GALNTL6: variants seen among roughly 807,000 people sequenced by gnomAD.
GALNTL6 encodes the protein polypeptide N-acetylgalactosaminyltransferase like 6.
Under a neutral mutation model 73.7 loss-of-function variants are expected in GALNTL6, and 46 were observed. The observed-to-expected ratio is 0.62, with a 90% CI of 0.49 to 0.80. GALNTL6 has a LOEUF of 0.80. Among genes scored for constraint, GALNTL6 ranks in the 30% least tolerant of loss-of-function variants. The pLI, the probability that GALNTL6 is intolerant of heterozygous loss-of-function variation, is 0.00. For synonymous variants in GALNTL6, 259 were observed against 263.7 expected, an observed-to-expected ratio of 0.98 and a Z score of 0.17; for missense variants, 604 against 755.0, an observed-to-expected ratio of 0.80 and a Z score of 2.34.
At chr4:171,998,849 G>A (rs1172819760) in intron 2 of GALNTL6, among the ~76,000 whole-genome samples, 1 of 152,114 alleles carries the variant, frequency 6.6e-6, no homozygotes, top group Non-Finnish European at 1.5e-5. Context: ...AGATGTTTCA[G>A]AGTTGGCTTA....
intron 2 of GALNTL6, among the ~76,000 whole-genome samples, chr4:172,222,059 A>G (rs1450658731): frequency 2.6e-5 from 4 of 151,888 alleles, no homozygotes; most frequent in Non-Finnish European, 5.9e-5. Context: ...GCAATAATAT[A>G]GGAGAAAAGG....
intron 3 of GALNTL6, among the ~76,000 whole-genome samples, chr4:172,253,722 A>G (rs948448119): frequency 2.0e-5 from 3 of 151,958 alleles, no homozygotes; most frequent in Non-Finnish European, 4.4e-5. Context: ...CTCCAAGAGT[A>G]TAATATAATC....
intron 5 of GALNTL6, among the ~76,000 whole-genome samples, chr4:172,411,996 G>A (rs1255067126): frequency 1.9e-4 from 29 of 151,592 alleles, no homozygotes; most frequent in Non-Finnish European, 8.8e-5. Context: ...AACAAGGAGT[G>A]GAGCACTGGA....
intron 5 of GALNTL6, among the ~76,000 whole-genome samples, chr4:172,418,507 A>G (rs1561074167): frequency 2.0e-5 from 3 of 152,246 alleles, no homozygotes; most frequent in South Asian, 4.1e-4. Flanking sequence ...AACCCATCCT[A>G]TAGTGGGGAA....
chr4:172,980,823 A>T (rs1266915295), intron 10 of GALNTL6, among the ~76,000 whole-genome samples: 1 of 152,206 alleles, frequency 6.6e-6, no homozygotes, highest in Non-Finnish European at 1.5e-5. Context: ...GGCACAATTC[A>T]GTCCATTACA....
Position 172,511,274 on chromosome 4 carries a change from G to C in GALNTL6, c.553+162585G>C. Among the ~76,000 whole-genome samples, 2 of 54,298 alleles carry C rather than the reference G, an allele frequency of 3.7e-5. 1 individual carries two copies. The highest frequency in any genetic ancestry group is 8.5e-5 in the Non-Finnish European group (2 of 23,518). The allele number at this position is 54,298 out of a possible 152,430, so 35.6% of individuals were successfully genotyped here. ...CTTCAATGATCTTTTGTGTTTCTGT[G>C]GTATCAGCTGTAATATCTCCTATTT... On this transcript the variant is annotated intron_variant, in intron 5 of 12. Coordinates refer to ENST00000506823, the MANE Select transcript of GALNTL6 (RefSeq NM_001034845.3).
At chr4:172,156,784 C>T (rs977444149) in intron 2 of GALNTL6, among the ~76,000 whole-genome samples, 3 of 151,256 alleles carry the variant, frequency 2.0e-5, no homozygotes, top group Admixed American at 6.6e-5. Flanking sequence ...CCATGGGGTG[C>T]GGGGGAAGCC....
At chr4:172,840,506 C>G (rs1271806968) in intron 7 of GALNTL6, among the ~76,000 whole-genome samples, 3 of 152,122 alleles carry the variant, frequency 2.0e-5, no homozygotes, top group Admixed American at 1.3e-4. Context: ...TCATTATGAC[C>G]ACCATCCTGC....
At chr4:172,351,973 G>A (rs571924575) in intron 5 of GALNTL6, among the ~76,000 whole-genome samples, 1 of 152,086 alleles carries the variant, frequency 6.6e-6, no homozygotes, top group South Asian at 2.1e-4. Flanking sequence ...CAGGTCAATA[G>A]AACAGCTATA....
chr4:172,619,257 C>A (rs28729481), intron 5 of GALNTL6, among the ~76,000 whole-genome samples: 2,292 of 152,222 alleles, frequency 0.015, 66 homozygotes, highest in African/African-American at 0.053. Flanking sequence ...AGCCTTGATG[C>A]CAGATCGACA....
At chr4:172,389,434 A>T (rs1303084476) in intron 5 of GALNTL6, among the ~76,000 whole-genome samples, 1 of 152,102 alleles carries the variant, frequency 6.6e-6, no homozygotes, top group Non-Finnish European at 1.5e-5. Flanking sequence ...TGCTTCCAAG[A>T]TTTATTGCAG....
intron 9 of GALNTL6, among the ~76,000 whole-genome samples, chr4:172,948,393 G>C (rs975848069): frequency 1.3e-5 from 2 of 152,046 alleles, no homozygotes; most frequent in Non-Finnish European, 2.9e-5. Context: ...TGCTTGCTTT[G>C]GAGTGGTTTT....
chr4:171,867,218 A>G (rs1735994122), intron 2 of GALNTL6, among the ~76,000 whole-genome samples: 1 of 152,174 alleles, frequency 6.6e-6, no homozygotes, highest in Non-Finnish European at 1.5e-5. Context: ...GGGAACATTC[A>G]TAATGTCAAA....
chr4:172,609,087 A>G (rs943528539), intron 5 of GALNTL6, among the ~76,000 whole-genome samples: 1 of 152,168 alleles, frequency 6.6e-6, no homozygotes, highest in African/African-American at 2.4e-5. Flanking sequence ...CTGCAAACAA[A>G]TAGTTTGACT....
chr4:171,910,614 G>A (rs897055729), intron 2 of GALNTL6, among the ~76,000 whole-genome samples: 16 of 151,816 alleles, frequency 1.1e-4, no homozygotes, highest in African/African-American at 3.6e-4. Flanking sequence ...AGAGATGTCT[G>A]TATAAGTATT....
At chr4:172,313,981 C>A (rs765663798) in intron 4 of GALNTL6, among the ~76,000 whole-genome samples, 16 of 152,116 alleles carry the variant, frequency 1.1e-4, no homozygotes, top group African/African-American at 1.7e-4. Flanking sequence ...CTGCAGGAAA[C>A]GGAGAGCCAA....
At chr4:172,589,933 A>G (rs1337320529) in intron 5 of GALNTL6, among the ~76,000 whole-genome samples, 1 of 151,838 alleles carries the variant, frequency 6.6e-6, no homozygotes, top group Non-Finnish European at 1.5e-5. Context: ...ACTCTTTGTA[A>G]CTCTAGATGA....
chr4:172,882,727 A>G, intron 7 of GALNTL6, 63 bp from the exon 8 acceptor site: 1 of 1,104,210 alleles, frequency 9.1e-7, no homozygotes, highest in Non-Finnish European at 1.4e-6. Context: ...CTTTTTTCCC[A>G]AGGAAAATGC....
rs912250230 is a variant in GALNTL6 at position 172,803,775 on chromosome 4, T to C, written c.554-5586T>C. On this transcript the variant is annotated intron_variant, in intron 5 of 12. Transcript: ENST00000506823. ...TCCCAGCTATTTCCCAAATAACTTATGATGCTTTGCATATTCAAGGAATAC... is the reference window on the plus strand; with the variant it reads ...TCCCAGCTATTTCCCAAATAACTTACGATGCTTTGCATATTCAAGGAATAC... 5.9e-5 allele frequency among the ~76,000 whole-genome samples: 9 copies of C among 152,358 alleles called. No homozygotes were observed. In the East Asian group the frequency reaches 1.3e-3, roughly 23 times the overall value.
Sources: allele counts gnomAD v4.1 joint callset (sites outside exome capture counted in the v4.1 genomes callset), GRCh38; gene constraint gnomAD v4.1.1; transcripts MANE v1.5; gene names NCBI Gene and HGNC (gene_info 2026-07-23, HGNC 2026-07-21).